The following RASEF variants were observed in gnomAD, a reference collection of about 807,000 sequenced individuals.
RASEF encodes the protein RAS and EF-hand domain containing, also known as ras and EF-hand domain-containing protein.
A neutral mutation model predicts 90.1 loss-of-function variants in RASEF; 68 were observed. That is an observed-to-expected ratio of 0.75 (90% CI 0.62 to 0.92). The LOEUF is 0.92. Ranked by LOEUF, RASEF falls within the 40% of genes least tolerant of loss-of-function variation. The pLI is 0.00. For missense variants in RASEF, 949 were observed against 937.2 expected, an observed-to-expected ratio of 1.01 and a Z score of -0.16; for synonymous variants, 331 against 345.2, an observed-to-expected ratio of 0.96 and a Z score of 0.46.
At chr9:83,205,235 G>A in the RASEF span, among the ~76,000 whole-genome samples, 1 of 152,212 alleles carries the variant, frequency 6.6e-6, no homozygotes, top group African/African-American at 2.4e-5. Context: ...TGGAAGGAGA[G>A]CAAAGCGAAG....
chr9:83,169,700 T>A, the RASEF span, among the ~76,000 whole-genome samples: 1 of 152,170 alleles, frequency 6.6e-6, no homozygotes, highest in East Asian at 1.9e-4. Context: ...TGATTAGTGA[T>A]GTTGAGCATT....
At chr9:83,027,336 G>A (rs966694150) in intron 1 of RASEF, among the ~76,000 whole-genome samples, 3 of 152,150 alleles carry the variant, frequency 2.0e-5, no homozygotes, top group Non-Finnish European at 2.9e-5. Context: ...CCAGAGGTCA[G>A]GGATGGGGCT....
At chr9:83,210,586 T>C in the RASEF span, among the ~76,000 whole-genome samples, 3 of 152,242 alleles carry the variant, frequency 2.0e-5, no homozygotes, top group East Asian at 5.8e-4. Context: ...CAGCTCACCA[T>C]GAATGACACC....
intron 1 of RASEF, among the ~76,000 whole-genome samples, chr9:83,059,069 C>T (rs1830158291): frequency 6.6e-6 from 1 of 152,064 alleles, no homozygotes. Flanking sequence ...TCAGTGGTTC[C>T]AGTGCCAGCT....
At chr9:83,209,187 C>G in the RASEF span, among the ~76,000 whole-genome samples, 1 of 152,154 alleles carries the variant, frequency 6.6e-6, no homozygotes, top group South Asian at 2.1e-4. Flanking sequence ...GCCTGAAGGC[C>G]CCTCAGCCTG....
the RASEF span, among the ~76,000 whole-genome samples, chr9:83,189,787 T>C: frequency 1.3e-5 from 2 of 152,176 alleles, no homozygotes; most frequent in African/African-American, 2.4e-5. Context: ...AAAAATGTAA[T>C]TACATCTTTT....
chr9:83,036,893 TG>T (rs996270908), intron 1 of RASEF, among the ~76,000 whole-genome samples: 3 of 152,088 alleles, frequency 2.0e-5, no homozygotes, highest in African/African-American at 4.8e-5. Context: ...TTTTTGTTTT[TG>T]TTTTTTTTTA....
chr9:83,190,937 C>T, the RASEF span, among the ~76,000 whole-genome samples: 1 of 152,140 alleles, frequency 6.6e-6, no homozygotes, highest in Non-Finnish European at 1.5e-5. Context: ...TTTGGAAACG[C>T]TAGGATTATT....
At chr9:83,026,398 G>A (rs541135321) in intron 1 of RASEF, among the ~76,000 whole-genome samples, 3 of 152,244 alleles carry the variant, frequency 2.0e-5, no homozygotes, top group South Asian at 4.2e-4. Context: ...CTGACTCACA[G>A]TTCCACATGA....
the RASEF span, among the ~76,000 whole-genome samples, chr9:83,133,146 G>C: frequency 6.6e-6 from 1 of 152,138 alleles, no homozygotes; most frequent in African/African-American, 2.4e-5. Context: ...GAGAGATTTT[G>C]TTCCTAACCT....
At chr9:83,147,909 A>T in the RASEF span, among the ~76,000 whole-genome samples, 2 of 151,870 alleles carry the variant, frequency 1.3e-5, no homozygotes, top group African/African-American at 2.4e-5. Context: ...CCCCAGCCAA[A>T]TTCCTCTCAA....
intron 1 of RASEF, among the ~76,000 whole-genome samples, chr9:83,044,010 A>T (rs764239413): frequency 1.3e-5 from 2 of 152,020 alleles, no homozygotes; most frequent in African/African-American, 2.4e-5. Flanking sequence ...TAGGACCTAT[A>T]CCTGATGGAA....
At chr9:83,128,389 C>G in the RASEF span, among the ~76,000 whole-genome samples, 1 of 151,572 alleles carries the variant, frequency 6.6e-6, no homozygotes, top group South Asian at 2.1e-4. Context: ...TCACCTATTT[C>G]ATATATATCT....
intron 6 of RASEF, among the ~76,000 whole-genome samples, chr9:83,008,358 T>A (rs1466767853): frequency 6.6e-6 from 1 of 151,088 alleles, no homozygotes; most frequent in African/African-American, 2.4e-5. Flanking sequence ...AACTTTTTAA[T>A]TTTTTTTTTA....
At chr9:83,066,822 A>G (rs1005753627), upstream of RASEF, among the ~76,000 whole-genome samples, 1 of 152,234 alleles carries the variant, frequency 6.6e-6, no homozygotes, top group African/African-American at 2.4e-5. Flanking sequence ...GTTTGATCGA[A>G]TATTTCCTAA....
chr9:83,068,564 CTGAA>C, the RASEF span, among the ~76,000 whole-genome samples: 1 of 152,196 alleles, frequency 6.6e-6, no homozygotes, highest in South Asian at 2.1e-4. Flanking sequence ...TGCCAACAAC[CTGAA>C]TGAACTTGGC....
chr9:83,053,485 T>G (rs1830055256), intron 1 of RASEF, among the ~76,000 whole-genome samples: 1 of 134,714 alleles, frequency 7.4e-6, no homozygotes, highest in Non-Finnish European at 1.5e-5. Flanking sequence ...TGATGGGTCC[T>G]GACTCTTTAT....
At chr9:83,089,791 G>T in the RASEF span, among the ~76,000 whole-genome samples, 1 of 152,066 alleles carries the variant, frequency 6.6e-6, no homozygotes, top group Non-Finnish European at 1.5e-5. Context: ...CTTCTTGTAT[G>T]TGCAGATTAG....
chr9:83,037,883 G>A (rs1450199176), intron 1 of RASEF, among the ~76,000 whole-genome samples: 1 of 151,386 alleles, frequency 6.6e-6, no homozygotes. Context: ...GCTTTTTGCA[G>A]ACTGAAATTA....
Sources: gnomAD v4.1 joint callset for allele counts (sites outside exome capture counted in the v4.1 genomes callset) on GRCh38, gnomAD v4.1.1 for gene constraint, MANE v1.5 for transcripts, NCBI Gene and HGNC (gene_info 2026-07-23, HGNC 2026-07-21) for gene names.